ODAD2: variants seen among roughly 807,000 people sequenced by gnomAD.
The protein encoded by ODAD2 is outer dynein arm docking complex subunit 2.
A neutral mutation model predicts 106.8 loss-of-function variants in ODAD2; 89 were observed. The observed-to-expected ratio is 0.83, with a 90% CI of 0.70 to 0.99. The LOEUF (loss-of-function observed/expected upper bound fraction) is 0.99, where lower values mean the gene tolerates loss of function less well. Among genes scored for constraint, ODAD2 ranks in the 50% least tolerant of loss-of-function variants. The pLI, the probability that ODAD2 is intolerant of heterozygous loss-of-function variation, is 0.00. For synonymous variants in ODAD2, 404 were observed against 436.2 expected, an observed-to-expected ratio of 0.93 and a Z score of 0.92; for missense variants, 1,168 against 1,238.5, an observed-to-expected ratio of 0.94 and a Z score of 0.85.
intron 19 of ODAD2, among the ~76,000 whole-genome samples, chr10:27,829,802 G>A (rs978188458): frequency 2.6e-5 from 4 of 152,014 alleles, no homozygotes; most frequent in African/African-American, 9.7e-5. Context: ...ATGAGTTTTA[G>A]AACAGAATAA....
Position 27,972,756 on chromosome 10 carries a change from T to A in ODAD2, c.937-1443A>T, listed in dbSNP as rs150535038. Among the ~76,000 whole-genome samples the A allele has an allele frequency of 5.5e-3, 832 of 152,116 alleles. 10 individuals are homozygous for A. The highest frequency in any genetic ancestry group is 0.019 in the African/African-American group (777 of 41,518). ...TATTCACCAAGCAACAGAACTTCAA[T>A]ATACATGAAGGAAACACAGAGCTAA... On this transcript the variant is annotated intron_variant, in intron 7 of 19. Coordinates refer to ENST00000305242, the MANE Select transcript of ODAD2 (RefSeq NM_018076.5).
chr10:27,959,368 T>G (rs1488952233), intron 10 of ODAD2, among the ~76,000 whole-genome samples: 1 of 151,752 alleles, frequency 6.6e-6, no homozygotes, highest in African/African-American at 2.4e-5. Context: ...AGTTCTCCAC[T>G]GCCAGTTCTT....
chr10:27,829,144 T>C (rs1837288285), intron 19 of ODAD2, among the ~76,000 whole-genome samples: 1 of 152,210 alleles, frequency 6.6e-6, no homozygotes, highest in South Asian at 2.1e-4. Flanking sequence ...TGTTAAGCTA[T>C]TTTCCTAATT....
At chr10:27,965,130 AAGTGATAGTC>A (rs1848406833) in intron 9 of ODAD2, among the ~76,000 whole-genome samples, 1 of 152,140 alleles carries the variant, frequency 6.6e-6, no homozygotes, top group Non-Finnish European at 1.5e-5. Flanking sequence ...CATAGGATGA[AAGTGATAGTC>A]AGTCAATGTC....
At chr10:27,985,469 C>G (rs1254432855) in intron 3 of ODAD2, among the ~76,000 whole-genome samples, 1 of 152,180 alleles carries the variant, frequency 6.6e-6, no homozygotes, top group Admixed American at 6.6e-5. Context: ...AAGACCAAGA[C>G]AGTCATTCAT....
intron 19 of ODAD2, among the ~76,000 whole-genome samples, chr10:27,839,002 A>G (rs1306161449): frequency 6.6e-6 from 1 of 152,196 alleles, no homozygotes; most frequent in Non-Finnish European, 1.5e-5. Flanking sequence ...TTTGATATCC[A>G]AACCTATTTA....
chr10:27,832,100 G>GAAGTTC (rs1248528736), intron 19 of ODAD2, among the ~76,000 whole-genome samples: 1 of 152,228 alleles, frequency 6.6e-6, no homozygotes, highest in Non-Finnish European at 1.5e-5. Context: ...ACAGTATTTT[G>GAAGTTC]AAGTTCAGAT....
chr10:27,915,661 G>A (rs968744801), intron 16 of ODAD2, among the ~76,000 whole-genome samples: 3 of 152,066 alleles, frequency 2.0e-5, no homozygotes, highest in African/African-American at 7.2e-5. Context: ...ACAATAGAAT[G>A]GCATTTATAA....
intron 7 of ODAD2, among the ~76,000 whole-genome samples, chr10:27,977,560 G>A (rs1310833350): frequency 6.6e-6 from 1 of 152,032 alleles, no homozygotes; most frequent in African/African-American, 2.4e-5. Context: ...GACAGAGGGA[G>A]ACTCTGTCTC....
intron 19 of ODAD2, among the ~76,000 whole-genome samples, chr10:27,853,012 T>C (rs939658655): frequency 7.2e-5 from 10 of 138,562 alleles, no homozygotes; most frequent in Non-Finnish European, 1.3e-4. Context: ...TCACATTAAA[T>C]GTAAATAGTG....
At chr10:27,885,648 TTATATATA>T (rs1842084131) in intron 17 of ODAD2, among the ~76,000 whole-genome samples, 2 of 30,982 alleles carry the variant, frequency 6.5e-5, no homozygotes, top group African/African-American at 1.9e-4. Flanking sequence ...ATTATATATA[TTATATATA>T]ATATATTATA....
chr10:27,850,665 A>C (rs759576110), intron 19 of ODAD2, among the ~76,000 whole-genome samples: 7 of 152,148 alleles, frequency 4.6e-5, no homozygotes, highest in Non-Finnish European at 1.0e-4. Flanking sequence ...TCAAAAGAAA[A>C]GACTGCCTCA....
intron 17 of ODAD2, among the ~76,000 whole-genome samples, chr10:27,892,537 C>T (rs1842628203): frequency 6.6e-6 from 1 of 152,132 alleles, no homozygotes; most frequent in South Asian, 2.1e-4. Context: ...ATCTGTTTCA[C>T]CTAGTACATT....
At chr10:27,908,304 C>A (rs1843741789) in intron 16 of ODAD2, among the ~76,000 whole-genome samples, 1 of 152,116 alleles carries the variant, frequency 6.6e-6, no homozygotes, top group Admixed American at 6.6e-5. Context: ...ACTTGTTTTC[C>A]ATGTGCACCC....
Position 27,944,900 on chromosome 10 carries a change from T to C in ODAD2, c.1449A>G (p.Gln483=), listed in dbSNP as rs752089999. 8 of 1,614,058 alleles carry C rather than the reference T, an allele frequency of 5.0e-6. No homozygotes were observed. The highest frequency in any genetic ancestry group is 6.8e-6 in the Non-Finnish European group (8 of 1,180,016). ...LCSMRDFSLA[Q]ETCQLAIRDV... is the part of the protein sequence containing the mutation. ...CTCTGATGGCCAACTGGCAGGTTTC[T>C]TGAGCTAAGCTGAAATCCCTCATTG... The change falls in exon 11 of 20, where the codon CAA becomes CAG. Residue 483 remains glutamine (Q), a synonymous_variant. Coordinates refer to ENST00000305242, the MANE Select transcript of ODAD2 (RefSeq NM_018076.5).
At chr10:27,927,611 C>T (rs1490106730) in intron 16 of ODAD2, among the ~76,000 whole-genome samples, 2 of 152,110 alleles carry the variant, frequency 1.3e-5, no homozygotes, top group Non-Finnish European at 1.5e-5. Context: ...CACTAACCTC[C>T]TTGTTGCACA....
intron 7 of ODAD2, among the ~76,000 whole-genome samples, chr10:27,977,607 G>C (rs1158657243): frequency 4.6e-5 from 7 of 151,764 alleles, no homozygotes; most frequent in African/African-American, 1.4e-4. Flanking sequence ...AAAAATACAA[G>C]ACCCAGATTG....
chr10:27,989,114 C>T (rs538855361), intron 2 of ODAD2, among the ~76,000 whole-genome samples: 3 of 152,210 alleles, frequency 2.0e-5, no homozygotes, highest in Non-Finnish European at 2.9e-5. Flanking sequence ...GCAACCCTGC[C>T]GATACCTTGA....
chr10:27,952,258 G>C (rs889566673), intron 10 of ODAD2, among the ~76,000 whole-genome samples: 11 of 151,802 alleles, frequency 7.2e-5, no homozygotes, highest in Admixed American at 7.2e-4. Context: ...CTAGTAACTA[G>C]AAATATGAAA....
Sources: allele counts gnomAD v4.1 joint callset (sites outside exome capture counted in the v4.1 genomes callset), GRCh38; gene constraint gnomAD v4.1.1; transcripts MANE v1.5; gene names NCBI Gene and HGNC (gene_info 2026-07-23, HGNC 2026-07-21).